The following PTPRD variants were observed in gnomAD, a reference collection of about 807,000 sequenced individuals.
PTPRD encodes receptor-type tyrosine-protein phosphatase delta.
In PTPRD, 34 loss-of-function variants were observed where a neutral mutation model predicts 214.5. The ratio of observed to expected loss-of-function variants is 0.16; its 90% CI spans 0.12 to 0.21. PTPRD has a LOEUF of 0.21. Ranked by LOEUF, PTPRD falls within the 10% of genes least tolerant of loss-of-function variation. PTPRD has a pLI of 1.00. For missense variants in PTPRD, 2,545 were observed against 2,398.7 expected (o/e 1.06, Z -1.27); for synonymous variants, 1,128 against 845.7 (o/e 1.33, Z -5.79).
At chr9:10,414,413 G>C (rs1470531963) in intron 2 of PTPRD, among the ~76,000 whole-genome samples, 2 of 151,888 alleles carry the variant, frequency 1.3e-5, no homozygotes, top group African/African-American at 4.8e-5. Context: ...AGTCAGAATT[G>C]CTATTATTAA....
intron 35 of PTPRD, among the ~76,000 whole-genome samples, chr9:8,431,591 T>C (rs1176651448): frequency 2.6e-5 from 4 of 152,220 alleles, no homozygotes; most frequent in Non-Finnish European, 4.4e-5. Context: ...CTAGTCTATA[T>C]GCTATCTCAG....
At position 9,556,303 on chromosome 9, in the gene PTPRD, AG is replaced by A. The variant is rs1253481061; in HGVS notation, c.-237+18428del. 4.6e-5 allele frequency among the ~76,000 whole-genome samples: 7 copies of A among 152,164 alleles called. 1 individual carries two copies. Among genetic ancestry groups the A allele is most frequent in the South Asian group, 4.1e-4 (2 of 4,826 alleles). On this transcript the variant is annotated intron_variant, in intron 8 of 45. Coordinates refer to ENST00000381196, the MANE Select transcript of PTPRD (RefSeq NM_002839.4). ...TCTTCACACTGAGTAAGTTGAAGAA[AG>A]GAGGAAGAGGAGGGGTTGGTCTTGC...
intron 14 of PTPRD, among the ~76,000 whole-genome samples, chr9:8,618,376 T>C (rs1262957751): frequency 1.3e-5 from 2 of 152,106 alleles, no homozygotes; most frequent in Non-Finnish European, 2.9e-5. Context: ...GTCTATCAAC[T>C]GGTAATATTC....
At chr9:8,707,020 G>C (rs142278601) in intron 12 of PTPRD, among the ~76,000 whole-genome samples, 9 of 152,134 alleles carry the variant, frequency 5.9e-5, no homozygotes, top group African/African-American at 1.9e-4. Context: ...ACTTCCTTTA[G>C]CAGGGATCAG....
chr9:8,933,424 T>A lies in PTPRD; in HGVS notation c.-104+85273A>T, dbSNP rs148180153. The stretch of plus-strand genomic sequence containing the variant: ...ATTTATCCCTTTCTTATACCAAGTT[T>A]AAGCATTTTTTCTGAATGATTTTAA... On this transcript the variant is annotated intron_variant, in intron 11 of 45. Coordinates refer to ENST00000381196, the MANE Select transcript of PTPRD (RefSeq NM_002839.4). Among the ~76,000 whole-genome samples, 465 of 149,272 alleles carry A rather than the reference T, an allele frequency of 3.1e-3. 4 individuals carry two copies. The highest frequency in any genetic ancestry group is 0.011 in the African/African-American group (444 of 40,676).
intron 8 of PTPRD, among the ~76,000 whole-genome samples, chr9:9,398,085 C>T (rs2068604911): frequency 6.6e-6 from 1 of 151,654 alleles, no homozygotes; most frequent in Non-Finnish European, 1.5e-5. Context: ...CATAAGCCCA[C>T]CTTCCCTTCC....
chr9:8,558,588 C>T (rs1311019467), intron 14 of PTPRD, among the ~76,000 whole-genome samples: 2 of 152,176 alleles, frequency 1.3e-5, no homozygotes, highest in Non-Finnish European at 2.9e-5. Context: ...CTCTCTGAAA[C>T]GTATTAACAG....
intron 11 of PTPRD, among the ~76,000 whole-genome samples, chr9:8,807,446 T>C (rs988388658): frequency 6.6e-6 from 1 of 152,184 alleles, no homozygotes; most frequent in African/African-American, 2.4e-5. Flanking sequence ...TGCACCTACC[T>C]ACCCAATCAA....
chr9:8,673,098 T>C (rs2097322312), intron 12 of PTPRD, among the ~76,000 whole-genome samples: 1 of 152,178 alleles, frequency 6.6e-6, no homozygotes, highest in Admixed American at 6.5e-5. Flanking sequence ...CATCTTACCA[T>C]AGATATTTCA....
At position 10,294,658 on chromosome 9, in the gene PTPRD, C is replaced by G. The variant is rs368718536; in HGVS notation, c.-545+46305G>C. Among the ~76,000 whole-genome samples the G allele has an allele frequency of 1.8e-4, 28 of 152,044 alleles. No homozygotes were observed. The East Asian group carries it at 5.0e-3, about 27-fold the overall frequency. ...GAAAAGACCTCAGAGACTGTTTAATCTAACCTCTACTTTACAGAGATAAGC... is the reference window on the plus strand; with the variant it reads ...GAAAAGACCTCAGAGACTGTTTAATGTAACCTCTACTTTACAGAGATAAGC... On this transcript the variant is annotated intron_variant, in intron 3 of 45. Transcript: ENST00000381196.
chr9:9,170,965 T>G (rs1040061100), intron 10 of PTPRD, among the ~76,000 whole-genome samples: 29 of 152,124 alleles, frequency 1.9e-4, no homozygotes, highest in African/African-American at 7.0e-4. Flanking sequence ...GAAGTGAAAC[T>G]TGATGTGGGT....
At chr9:10,383,267 T>TA (rs953176175) in intron 2 of PTPRD, among the ~76,000 whole-genome samples, 1 of 151,898 alleles carries the variant, frequency 6.6e-6, no homozygotes, top group Non-Finnish European at 1.5e-5. Context: ...AAACACTAGT[T>TA]AAACATCAAG....
chr9:9,209,495 T>C (rs2099947163), intron 9 of PTPRD, among the ~76,000 whole-genome samples: 2 of 152,226 alleles, frequency 1.3e-5, no homozygotes, highest in African/African-American at 2.4e-5. Context: ...GAGTTATTGT[T>C]AATTAATGTT....
intron 10 of PTPRD, among the ~76,000 whole-genome samples, chr9:9,023,921 T>G (rs1204067889): frequency 6.6e-6 from 1 of 152,098 alleles, no homozygotes; most frequent in Non-Finnish European, 1.5e-5. Context: ...GCTTTCTCAT[T>G]ATCTCATCTT....
At chr9:9,550,387 C>A (rs1164607300) in intron 8 of PTPRD, among the ~76,000 whole-genome samples, 2 of 146,060 alleles carry the variant, frequency 1.4e-5, no homozygotes, top group Admixed American at 6.9e-5. Context: ...ATAGTTCTCT[C>A]TCTATATATA....
intron 9 of PTPRD, among the ~76,000 whole-genome samples, chr9:9,292,862 T>G (rs1951665793): frequency 6.6e-6 from 1 of 151,486 alleles, no homozygotes; most frequent in Non-Finnish European, 1.5e-5. Flanking sequence ...TGTTTGTTTG[T>G]TTTCATGGTT....
At chr9:9,708,158 G>C (rs1490018657) in intron 7 of PTPRD, among the ~76,000 whole-genome samples, 5 of 152,008 alleles carry the variant, frequency 3.3e-5, no homozygotes, top group Non-Finnish European at 7.4e-5. Context: ...TAGTCAAATT[G>C]ACAAAACATA....
chr9:10,023,867 T>A (rs10755996), intron 4 of PTPRD, among the ~76,000 whole-genome samples: 1 of 151,852 alleles, frequency 6.6e-6, no homozygotes, highest in South Asian at 2.1e-4. Flanking sequence ...CAAAAATGCT[T>A]CTTTGTTCTT....
chr9:8,527,012 A>C (rs1375778103), intron 16 of PTPRD, among the ~76,000 whole-genome samples: 1 of 151,952 alleles, frequency 6.6e-6, no homozygotes, highest in African/African-American at 2.4e-5. Flanking sequence ...AATACTGGCT[A>C]ATCTATTTAA....
Sources: allele counts gnomAD v4.1 joint callset (sites outside exome capture counted in the v4.1 genomes callset), GRCh38; gene constraint gnomAD v4.1.1; transcripts MANE v1.5; gene names NCBI Gene and HGNC (gene_info 2026-07-23, HGNC 2026-07-21).